Variants in LCLAT1 observed in about 807,000 individuals in gnomAD.
The protein encoded by LCLAT1 is lysocardiolipin acyltransferase 1, also known as 1-AGP acyltransferase 8.
A neutral mutation model predicts 30.7 loss-of-function variants in LCLAT1; 11 were observed. The ratio of observed to expected loss-of-function variants is 0.36; its 90% CI spans 0.23 to 0.59. LCLAT1 has a LOEUF of 0.59. LCLAT1 is among the 20% of genes least tolerant of loss of function. The pLI is 0.77. For missense variants in LCLAT1, 402 were observed against 458.6 expected (o/e 0.88, Z 1.13); for synonymous variants, 155 against 151.3 (o/e 1.02, Z -0.18).
intron 5 of LCLAT1, among the ~76,000 whole-genome samples, chr2:30,637,605 T>C (rs1481795409): frequency 2.0e-5 from 3 of 152,060 alleles, no homozygotes; most frequent in Admixed American, 6.6e-5. Context: ...GAGACGGAGT[T>C]TCACTCTTGT....
intron 1 of LCLAT1, among the ~76,000 whole-genome samples, chr2:30,489,911 A>G (rs1302033635): frequency 6.6e-6 from 1 of 152,234 alleles, no homozygotes; most frequent in Non-Finnish European, 1.5e-5. Flanking sequence ...GTCTAAATCC[A>G]AACTGATGTG....
chr2:30,555,756 C>T (rs1317167716), intron 3 of LCLAT1, among the ~76,000 whole-genome samples: 3 of 151,036 alleles, frequency 2.0e-5, no homozygotes, highest in South Asian at 2.1e-4. Flanking sequence ...ATTTTAAGGG[C>T]GAATTCTAAA....
intron 1 of LCLAT1, among the ~76,000 whole-genome samples, chr2:30,500,895 T>C (rs1355440569): frequency 6.6e-6 from 1 of 152,146 alleles, no homozygotes; most frequent in Non-Finnish European, 1.5e-5. Context: ...TTTTTCAGGA[T>C]ACCAACCATC....
At chr2:30,504,497 TTA>T (rs2148348067) in intron 1 of LCLAT1, among the ~76,000 whole-genome samples, 1 of 149,336 alleles carries the variant, frequency 6.7e-6, no homozygotes, top group Non-Finnish European at 1.5e-5. Flanking sequence ...CTATCTCAAT[TTA>T]TGTTTTCAGT....
chr2:30,609,112 G>A (rs1424090511), intron 5 of LCLAT1, among the ~76,000 whole-genome samples: 2 of 152,114 alleles, frequency 1.3e-5, no homozygotes, highest in Non-Finnish European at 2.9e-5. Flanking sequence ...TCTTGTCTGT[G>A]TTTCTATTGG....
At chr2:30,454,709 A>G (rs1198074183) in intron 1 of LCLAT1, among the ~76,000 whole-genome samples, 1 of 151,228 alleles carries the variant, frequency 6.6e-6, no homozygotes, top group Non-Finnish European at 1.5e-5. Context: ...TCGACCTCCC[A>G]AAGTGCTGTG....
chr2:30,476,720 A>G, intron 1 of LCLAT1: 1 of 309,010 alleles, frequency 3.2e-6, no homozygotes, highest in South Asian at 2.8e-5. Flanking sequence ...ATGTGCTTGA[A>G]TCCTGAAACC....
intron 3 of LCLAT1, among the ~76,000 whole-genome samples, chr2:30,561,704 GAAATATTA>G (rs1162292329): frequency 2.0e-5 from 3 of 152,110 alleles, no homozygotes; most frequent in Non-Finnish European, 2.9e-5. Flanking sequence ...TATCAGAAGG[GAAATATTA>G]AAGAGAATGC....
intron 5 of LCLAT1, among the ~76,000 whole-genome samples, chr2:30,623,416 T>C (rs1459177596): frequency 1.3e-5 from 2 of 151,988 alleles, no homozygotes; most frequent in African/African-American, 2.4e-5. Context: ...ATAGATAGCA[T>C]AGATAAAAAA....
intron 5 of LCLAT1, among the ~76,000 whole-genome samples, chr2:30,601,763 T>A (rs1163935378): frequency 2.0e-5 from 3 of 151,318 alleles, no homozygotes; most frequent in Non-Finnish European, 4.4e-5. Context: ...CAAAGTGACA[T>A]AAATGTTGTA....
chr2:30,501,190 C>G (rs1440960411), intron 1 of LCLAT1, among the ~76,000 whole-genome samples: 1 of 151,830 alleles, frequency 6.6e-6, no homozygotes, highest in African/African-American at 2.4e-5. Flanking sequence ...TGAGACTGAT[C>G]TCCCGTCTCC....
At chr2:30,550,659 G>GT (rs1409820062) in intron 3 of LCLAT1, among the ~76,000 whole-genome samples, 3 of 152,120 alleles carry the variant, frequency 2.0e-5, no homozygotes, top group African/African-American at 7.2e-5. Flanking sequence ...TAATCACTTA[G>GT]TTAAGGTGGT....
At chr2:30,464,588 G>C (rs557898792) in intron 1 of LCLAT1, among the ~76,000 whole-genome samples, 4 of 152,140 alleles carry the variant, frequency 2.6e-5, no homozygotes, top group African/African-American at 9.7e-5. Context: ...TGTCAGATAC[G>C]TGCAGATAGG....
intron 3 of LCLAT1, among the ~76,000 whole-genome samples, chr2:30,553,112 T>A (rs1664752960): frequency 6.6e-6 from 1 of 152,146 alleles, no homozygotes; most frequent in African/African-American, 2.4e-5. Context: ...TGAGTAGTGC[T>A]GATGTTTTCA....
intron 1 of LCLAT1, among the ~76,000 whole-genome samples, chr2:30,465,264 G>T (rs1682362418): frequency 6.6e-6 from 1 of 152,204 alleles, no homozygotes; most frequent in Non-Finnish European, 1.5e-5. Flanking sequence ...GGAGGAGGCA[G>T]TTGGACCAGG....
At chr2:30,455,092 T>A (rs1681762809) in intron 1 of LCLAT1, among the ~76,000 whole-genome samples, 1 of 151,972 alleles carries the variant, frequency 6.6e-6, no homozygotes, top group Non-Finnish European at 1.5e-5. Flanking sequence ...GTGGATATAA[T>A]TGGATCCAGT....
At chr2:30,523,817 C>T in intron 1 of LCLAT1, among the ~76,000 whole-genome samples, 1 of 152,130 alleles carries the variant, frequency 6.6e-6, no homozygotes, top group Admixed American at 6.5e-5. Flanking sequence ...GCAGTGAGCC[C>T]AGATCGCACC....
Position 30,605,477 on chromosome 2 carries a change from TTTTAG to T in LCLAT1, c.629-34635_629-34631del, listed in dbSNP as rs1168452406. On this transcript the variant is annotated intron_variant, in intron 5 of 5. Transcript: ENST00000379509. ...TAAAGCAGACCAATTTACATATTGT[TTTTAG>T]TTTATTCAGACTTTCTCTTTGTATT... is the stretch of plus-strand genomic sequence containing the variant. Among the ~76,000 whole-genome samples, 5 of 152,184 alleles carry T rather than the reference TTTTAG, an allele frequency of 3.3e-5. No individual in the cohort carries two copies. In the East Asian group the frequency reaches 7.7e-4, roughly 23 times the overall value.
chr2:30,621,760 A>T lies in LCLAT1; in HGVS notation c.629-18357A>T, dbSNP rs2100112. The stretch of plus-strand genomic sequence containing the variant: ...TGGGGAGAGCCCTGTGGGTACTCTC[A>T]TTCCCAGGGAAGCCATTTCTGACTT... On this transcript the variant is annotated intron_variant, in intron 5 of 5. Coordinates refer to ENST00000379509, the MANE Select transcript of LCLAT1 (RefSeq NM_001002257.3). Among the ~76,000 whole-genome samples, 4 of 152,162 alleles carry T rather than the reference A, an allele frequency of 2.6e-5. No individual in the cohort carries two copies. The East Asian group carries it at 7.8e-4, about 30-fold the overall frequency.
Sources: allele counts gnomAD v4.1 joint callset (sites outside exome capture counted in the v4.1 genomes callset), GRCh38; gene constraint gnomAD v4.1.1; transcripts MANE v1.5; gene names NCBI Gene and HGNC (gene_info 2026-07-23, HGNC 2026-07-21).